BLNK: variants seen among roughly 807,000 people sequenced by gnomAD.
The protein encoded by BLNK is B-cell linker protein.
BLNK carries 29 observed loss-of-function variants against 73.5 expected under a neutral mutation model. The observed-to-expected ratio is 0.39, with a 90% CI of 0.29 to 0.54. The LOEUF (loss-of-function observed/expected upper bound fraction) is 0.54, where lower values mean the gene tolerates loss of function less well. Among genes scored for constraint, BLNK ranks in the 20% least tolerant of loss-of-function variants. The probability of loss-of-function intolerance (pLI) is 0.61; values close to 1 mark genes in which losing one functional copy is unlikely to be tolerated. For missense variants in BLNK, 460 were observed against 562.8 expected (o/e 0.82, Z 1.85); for synonymous variants, 176 against 200.8 (o/e 0.88, Z 1.04).
At chr10:96,233,600 C>T (rs1476667008) in intron 3 of BLNK, among the ~76,000 whole-genome samples, 1 of 152,228 alleles carries the variant, frequency 6.6e-6, no homozygotes, top group Non-Finnish European at 1.5e-5. Context: ...CTGCTCTGCT[C>T]GTGCCGTTCC....
chr10:96,199,223 G>C (rs2083560377), intron 15 of BLNK, among the ~76,000 whole-genome samples: 1 of 152,086 alleles, frequency 6.6e-6, no homozygotes, highest in Non-Finnish European at 1.5e-5. Context: ...TGGAGTGCAA[G>C]AAAACAAAGA....
intron 1 of BLNK, among the ~76,000 whole-genome samples, chr10:96,261,726 G>A (rs1554912911): frequency 6.6e-6 from 1 of 152,026 alleles, no homozygotes; most frequent in East Asian, 1.9e-4. Flanking sequence ...TATTACATTT[G>A]CCATTTTCTT....
intron 16 of BLNK, among the ~76,000 whole-genome samples, chr10:96,196,042 C>T (rs2083457101): frequency 6.6e-6 from 1 of 152,222 alleles, no homozygotes; most frequent in South Asian, 2.1e-4. Flanking sequence ...GCAATCATGA[C>T]ATTTTCCAAC....
chr10:96,267,308 A>G (rs1481152194), intron 1 of BLNK, among the ~76,000 whole-genome samples: 2 of 152,176 alleles, frequency 1.3e-5, no homozygotes, highest in African/African-American at 4.8e-5. Flanking sequence ...AAAGCCATAT[A>G]TGGAAGAGAA....
intron 4 of BLNK, among the ~76,000 whole-genome samples, chr10:96,228,679 C>T (rs1370601898): frequency 5.9e-5 from 9 of 152,192 alleles, no homozygotes; most frequent in African/African-American, 9.7e-5. Flanking sequence ...TGCTTCTCAC[C>T]GCAGAGGCAG....
At position 96,246,967 on chromosome 10, in the gene BLNK, A is replaced by T. The variant is rs782058985; in HGVS notation, c.113+17T>A. ...CTTATTTTATATAATTAAGTATTTA[A>T]ATAGAGGCGAACTTACTTTTTGATT... is the stretch of plus-strand genomic sequence containing the variant. On this transcript the variant is annotated intron_variant, in intron 2 of 16. Transcript: ENST00000224337. 4.5e-6 allele frequency: 7 copies of T among 1,550,770 alleles called. No homozygotes were observed. Among genetic ancestry groups the T allele is most frequent in the Admixed American group, 1.7e-5 (1 of 59,532 alleles).
intron 1 of BLNK, among the ~76,000 whole-genome samples, chr10:96,253,861 A>C (rs1415646956): frequency 6.8e-6 from 1 of 148,138 alleles, no homozygotes; most frequent in Non-Finnish European, 1.5e-5. Context: ...TAAAAATACA[A>C]AAAAAAAAAA....
intron 5 of BLNK, 140 bp downstream of exon 5, chr10:96,227,270 C>T: frequency 1.8e-6 from 2 of 1,137,998 alleles, no homozygotes; most frequent in Non-Finnish European, 2.5e-6. Flanking sequence ...CCCAGATCCC[C>T]TGCTTGGAGG....
At chr10:96,205,943 A>T (rs587613315) in intron 11 of BLNK, among the ~76,000 whole-genome samples, 16 of 152,244 alleles carry the variant, frequency 1.1e-4, no homozygotes, top group South Asian at 4.1e-4. Context: ...TCACTCCACA[A>T]CCTGGACTCA....
intron 1 of BLNK, among the ~76,000 whole-genome samples, chr10:96,265,464 C>T (rs1474839050): frequency 1.3e-5 from 2 of 152,166 alleles, no homozygotes; most frequent in Non-Finnish European, 2.9e-5. Context: ...TCTTTTCCTG[C>T]TCTCACTTTT....
At chr10:96,254,211 T>C (rs904300186) in intron 1 of BLNK, among the ~76,000 whole-genome samples, 7 of 152,134 alleles carry the variant, frequency 4.6e-5, no homozygotes, top group Non-Finnish European at 5.9e-5. Flanking sequence ...TTCTCCATAA[T>C]GAGTGGCCAA....
chr10:96,267,566 A>G (rs1844063847), intron 1 of BLNK, among the ~76,000 whole-genome samples: 2 of 152,236 alleles, frequency 1.3e-5, no homozygotes, highest in Non-Finnish European at 2.9e-5. Context: ...GGCATGTCTC[A>G]GAATCCATTA....
intron 3 of BLNK, among the ~76,000 whole-genome samples, chr10:96,237,555 A>G (rs1211959379): frequency 2.6e-5 from 4 of 152,164 alleles, no homozygotes; most frequent in Admixed American, 6.5e-5. Context: ...GGGGTAACCA[A>G]TGGGGCATCT....
At chr10:96,198,807 T>G (rs1203965805) in intron 15 of BLNK, among the ~76,000 whole-genome samples, 1 of 152,192 alleles carries the variant, frequency 6.6e-6, no homozygotes, top group Non-Finnish European at 1.5e-5. Flanking sequence ...CAACCGATTC[T>G]CCTGCTTCAG....
intron 15 of BLNK, 58 bp from the exon 16 acceptor site, chr10:96,197,121 G>A: frequency 7.1e-7 from 1 of 1,418,016 alleles, no homozygotes; most frequent in Non-Finnish European, 9.6e-7. Context: ...ATTTCTACAG[G>A]TTCAAAAAAT....
chr10:96,244,047 T>C (rs1554906979), intron 2 of BLNK, among the ~76,000 whole-genome samples: 1 of 152,200 alleles, frequency 6.6e-6, no homozygotes, highest in African/African-American at 2.4e-5. Context: ...AAAAACAATT[T>C]ACAAACCAAA....
At chr10:96,218,246 C>T (rs74151286) in intron 6 of BLNK, among the ~76,000 whole-genome samples, 194 of 152,254 alleles carry the variant, frequency 1.3e-3, no homozygotes, top group African/African-American at 4.5e-3. Flanking sequence ...AAATTTATTG[C>T]CAGGTGTTCT....
intron 11 of BLNK, among the ~76,000 whole-genome samples, chr10:96,205,895 T>C (rs1314981019): frequency 6.6e-6 from 1 of 152,202 alleles, no homozygotes; most frequent in Non-Finnish European, 1.5e-5. Context: ...CAGGTTGTAC[T>C]TACTTCCTAC....
chr10:96,253,511 C>G (rs782293032), intron 1 of BLNK, among the ~76,000 whole-genome samples: 1 of 152,274 alleles, frequency 6.6e-6, no homozygotes, highest in Admixed American at 6.5e-5. Context: ...TCTTCAAACC[C>G]AGCCTCTCTT....
Sources: allele counts gnomAD v4.1 joint callset (sites outside exome capture counted in the v4.1 genomes callset), GRCh38; gene constraint gnomAD v4.1.1; transcripts MANE v1.5; gene names NCBI Gene and HGNC (gene_info 2026-07-23, HGNC 2026-07-21).